The following CPEB2 variants were observed in gnomAD, a reference collection of about 807,000 sequenced individuals.
CPEB2 encodes the protein cytoplasmic polyadenylation element-binding protein 2.
Under a neutral mutation model 93.6 loss-of-function variants are expected in CPEB2, and 56 were observed. The ratio of observed to expected loss-of-function variants is 0.60; its 90% CI spans 0.48 to 0.75. The LOEUF is 0.75. Among genes scored for constraint, CPEB2 ranks in the 30% least tolerant of loss-of-function variants. CPEB2 has a pLI of 0.00. For missense variants in CPEB2, 1,579 were observed against 1,395.1 expected, an observed-to-expected ratio of 1.13 and a Z score of -2.10; for synonymous variants, 764 against 586.3, an observed-to-expected ratio of 1.30 and a Z score of -4.38.
chr4:15,002,987 C>G lies in CPEB2; in HGVS notation c.314C>G (p.Pro105Arg), dbSNP rs1451504547. Residue 105 changes from proline (P) to arginine (R), a missense_variant, in exon 1 of 12, where the codon CCG becomes CGG. Physicochemically the swap from Pro to Arg is moderately radical, Grantham distance 103. This residue lies in a region of CPEB2 where 1,411 missense variants were observed against 1,056.0 expected (regional missense o/e 1.34). Transcript: ENST00000538197. ...CTGCTTCTGGGGCTGACACAGCAGC[C>G]GGCGCGGCCGCTTTCGGGGGCGGCG... ...DELLLGLTQQ[P>R]ARPLSGAAAT... 1 of 1,502,210 alleles carries G rather than the reference C, an allele frequency of 6.7e-7. No individual in the cohort carries two copies. The highest frequency in any genetic ancestry group is 2.5e-5 in the Admixed American group (1 of 40,288). 93.1% of individuals were successfully genotyped at this position (1,502,210 alleles called of 1,614,324 possible). A position where few individuals can be genotyped will look rare whatever the true frequency, so the allele number is the denominator to read the frequency against.
At chr4:15,013,558 G>T (rs746962868) in intron 3 of CPEB2, among the ~76,000 whole-genome samples, 2 of 151,984 alleles carry the variant, frequency 1.3e-5, no homozygotes, top group East Asian at 1.9e-4. Context: ...CCTAATGTCT[G>T]TATTTCAGAA....
In CPEB2 at chr4:15,064,570, A is replaced by G. The variant is rs1257889542; in HGVS notation, c.2878-1583A>G. Among the ~76,000 whole-genome samples the G allele has an allele frequency of 2.6e-5, 4 of 151,394 alleles. No individual in the cohort carries two copies. In the East Asian group the frequency reaches 5.8e-4, roughly 22 times the overall value. On this transcript the variant is annotated intron_variant, in intron 11 of 11. Transcript: ENST00000538197. ...AGACCCTGGTTTCAATCTGTCTAAA[A>G]TCTTATTTTAAAAAAAAAGAAATAA...
Position 15,004,323 on chromosome 4 carries a change from T to C in CPEB2, c.1650T>C (p.Tyr550=). 1 of 1,477,556 alleles carries C rather than the reference T, an allele frequency of 6.8e-7. No individual in the cohort carries two copies. Among genetic ancestry groups the C allele is most frequent in the Non-Finnish European group, 8.9e-7 (1 of 1,122,358 alleles). 91.5% of individuals were successfully genotyped at this position (1,477,556 alleles called of 1,614,324 possible). The change falls in exon 1 of 12, where the codon TAT becomes TAC. Residue 550 remains tyrosine, a synonymous_variant. Coordinates refer to ENST00000538197, the MANE Select transcript of CPEB2 (RefSeq NM_001177382.2). The part of the protein sequence containing the change: ...AAAFLQQRNS[Y]NHHQPLLKQS... ...CCTTCCTGCAGCAGAGGAACTCCTA[T>C]AACCACCACCAGGTACGGCGGGCGG...
chr4:15,045,353 T>C (rs1396113726), intron 6 of CPEB2, among the ~76,000 whole-genome samples: 1 of 152,200 alleles, frequency 6.6e-6, no homozygotes, highest in African/African-American at 2.4e-5. Flanking sequence ...TGTACATAAA[T>C]ATCTGTCATA....
chr4:15,003,267 GCCT>G lies in CPEB2; in HGVS notation c.597_599del (p.Pro201del), dbSNP rs1722236409. On this transcript the variant is annotated inframe_deletion, in exon 1 of 12. Coordinates refer to ENST00000538197, the MANE Select transcript of CPEB2 (RefSeq NM_001177382.2). ...CTCCGGACTCGAAGCCGCCGCCGCCGCCTCCGCCGCTCCACTGCCCCGGTCGGT... is the reference window on the plus strand; with the variant it reads ...CTCCGGACTCGAAGCCGCCGCCGCCGCCGCCGCTCCACTGCCCCGGTCGGT... 5.9e-6 allele frequency: 9 copies of G among 1,523,088 alleles called. No homozygotes were observed. The South Asian group carries it at 8.4e-5, about 14-fold the overall frequency. 94.3% of individuals were successfully genotyped at this position (1,523,088 alleles called of 1,614,324 possible). A position where few individuals can be genotyped will look rare whatever the true frequency, so the allele number is the denominator to read the frequency against.
intron 4 of CPEB2, among the ~76,000 whole-genome samples, chr4:15,021,601 T>C (rs1268151409): frequency 6.6e-6 from 1 of 152,132 alleles, no homozygotes; most frequent in Non-Finnish European, 1.5e-5. Flanking sequence ...CTCATAAAAG[T>C]TGATTTGAAA....
intron 4 of CPEB2, among the ~76,000 whole-genome samples, chr4:15,025,218 A>G (rs1404474004): frequency 1.3e-5 from 2 of 151,768 alleles, no homozygotes; most frequent in Admixed American, 6.6e-5. Flanking sequence ...AATTTTTGCT[A>G]ATTTTTAAAA....
At chr4:15,018,554 T>G (rs1254291493) in intron 4 of CPEB2, among the ~76,000 whole-genome samples, 1 of 151,346 alleles carries the variant, frequency 6.6e-6, no homozygotes, top group East Asian at 1.9e-4. Context: ...GGTCTTGGTC[T>G]TTTTCACTGT....
intron 3 of CPEB2, among the ~76,000 whole-genome samples, chr4:15,016,298 G>A (rs1172217339): frequency 1.3e-5 from 2 of 152,042 alleles, no homozygotes; most frequent in East Asian, 1.9e-4. Context: ...GAGGGCATGG[G>A]CCAGAGCTTC....
rs775882041 is a variant in CPEB2 at position 15,058,555 on chromosome 4, A to G, written c.2580+16A>G. On this transcript the variant is annotated intron_variant, in intron 9 of 11. Transcript: ENST00000538197. ...GGACAAACCAGTAAGTAAATACCAC[A>G]TGAACTTCAGGCTACAAATGCAAAT... The G allele has an allele frequency of 3.6e-6, 5 of 1,394,970 alleles. No homozygotes were observed. The highest frequency in any genetic ancestry group is 2.4e-5 in the South Asian group (2 of 81,780). The allele number at this position is 1,394,970 out of a possible 1,614,324, so 86.4% of individuals were successfully genotyped here. A position where few individuals can be genotyped will look rare whatever the true frequency, so the allele number is the denominator to read the frequency against.
intron 3 of CPEB2, 116 bp downstream of exon 3, chr4:15,008,543 C>A: frequency 1.9e-6 from 1 of 527,738 alleles, no homozygotes; most frequent in Non-Finnish European, 3.2e-6. Flanking sequence ...TGTTAGAGGA[C>A]ACTGAAGCAA....
chr4:15,064,434 TA>T (rs1286912285), intron 11 of CPEB2, among the ~76,000 whole-genome samples: 1 of 152,076 alleles, frequency 6.6e-6, no homozygotes, highest in East Asian at 1.9e-4. Context: ...AAAATACAAA[TA>T]ATTGAAATCA....
intron 5 of CPEB2, among the ~76,000 whole-genome samples, chr4:15,040,054 T>A (rs1241203110): frequency 6.6e-6 from 1 of 152,156 alleles, no homozygotes; most frequent in Non-Finnish European, 1.5e-5. Flanking sequence ...GGACTATATA[T>A]GCCATACCAT....
chr4:15,004,519 C>T (rs1722515539), intron 1 of CPEB2, among the ~76,000 whole-genome samples, 184 bp downstream of exon 1: 1 of 152,090 alleles, frequency 6.6e-6, no homozygotes, highest in South Asian at 2.1e-4. Context: ...ACCCCAGCCC[C>T]CGGTGGGTTG....
At chr4:15,019,541 G>A (rs768282281) in intron 4 of CPEB2, among the ~76,000 whole-genome samples, 30 of 151,640 alleles carry the variant, frequency 2.0e-4, no homozygotes, top group Admixed American at 3.3e-4. Context: ...GCAGTATTTC[G>A]CCCTCTGTCT....
chr4:15,006,761 T>A, intron 1 of CPEB2, among the ~76,000 whole-genome samples: 1 of 152,206 alleles, frequency 6.6e-6, no homozygotes. Flanking sequence ...ATGACATAGT[T>A]TCTATACTGT....
Position 15,002,693 on chromosome 4 carries a change from G to A in CPEB2, c.20G>A (p.Gly7Glu). MRDFGF[G>E]VLQTAPLRSS... ...TGATAAATGAGGGATTTCGGGTTTG[G>A]GGTGCTGCAGACCGCCCCGCTCCGA... Residue 7 changes from glycine (G) to glutamate (E), a missense_variant, in exon 1 of 12, where the codon GGG (glycine) becomes GAG (glutamate). By Grantham distance (98) the Gly-to-Glu change is moderately conservative. This residue lies in a region of CPEB2 where 1,411 missense variants were observed against 1,056.0 expected (regional missense o/e 1.34). Coordinates refer to ENST00000538197, the MANE Select transcript of CPEB2 (RefSeq NM_001177382.2). The A allele has an allele frequency of 6.6e-7, 1 of 1,512,926 alleles. No homozygotes were observed. Among genetic ancestry groups the A allele is most frequent in the Admixed American group, 2.1e-5 (1 of 48,702 alleles). 93.7% of individuals were successfully genotyped at this position (1,512,926 alleles called of 1,614,324 possible).
intron 10 of CPEB2, among the ~76,000 whole-genome samples, chr4:15,060,539 AATCTC>A (rs932127935): frequency 2.0e-5 from 3 of 152,174 alleles, no homozygotes; most frequent in Admixed American, 2.0e-4. Flanking sequence ...ACAAAGACTG[AATCTC>A]ATCTTTCAGT....
At chr4:15,052,673 T>A (rs193162926) in intron 7 of CPEB2, 89 bp downstream of exon 7, 466 of 759,794 alleles carry the variant, frequency 6.1e-4, no homozygotes, top group Non-Finnish European at 8.3e-4. Context: ...ACTATGAAAG[T>A]TTTTACCACC....
Sources: gnomAD v4.1 joint callset for allele counts (sites outside exome capture counted in the v4.1 genomes callset) on GRCh38, gnomAD v4.1.1 for gene constraint, gnomAD v4.1.1 regional missense constraint, MANE v1.5 for transcripts, NCBI Gene and HGNC (gene_info 2026-07-23, HGNC 2026-07-21) for gene names.